Variants in TENM4 observed in about 807,000 individuals in gnomAD.
TENM4 encodes the protein teneurin-4.
Under a neutral mutation model 243.3 loss-of-function variants are expected in TENM4, and 82 were observed. The observed-to-expected ratio is 0.34, with a 90% confidence interval of 0.28 to 0.40. The LOEUF (loss-of-function observed/expected upper bound fraction) is 0.40, where lower values mean the gene tolerates loss of function less well. TENM4 is among the 10% of genes least tolerant of loss of function. The probability of loss-of-function intolerance (pLI) is 1.00; values close to 1 mark genes in which losing one functional copy is unlikely to be tolerated. For missense variants in TENM4, 3,138 were observed against 3,673.3 expected, an observed-to-expected ratio of 0.85 and a Z score of 3.77; for synonymous variants, 1,412 against 1,456.3, an observed-to-expected ratio of 0.97 and a Z score of 0.69.
intron 2 of TENM4, among the ~76,000 whole-genome samples, chr11:79,253,823 TA>T (rs1367032143): frequency 7.2e-5 from 11 of 152,100 alleles, no homozygotes; most frequent in African/African-American, 2.4e-4. Context: ...TTTGGTTTCA[TA>T]AAAGTACCAA....
At chr11:78,658,971 C>T (rs1394389311) in intron 33 of TENM4, among the ~76,000 whole-genome samples, 155 bp from the exon 34 acceptor site, 3 of 152,134 alleles carry the variant, frequency 2.0e-5, no homozygotes, top group Non-Finnish European at 2.9e-5. Context: ...TCCAGGTGGT[C>T]GCCAGAAGGT....
At chr11:79,189,720 C>T in intron 3 of TENM4, among the ~76,000 whole-genome samples, 1 of 152,190 alleles carries the variant, frequency 6.6e-6, no homozygotes, top group East Asian at 1.9e-4. Context: ...AGTGGATTTT[C>T]CTTTGATTTG....
chr11:79,163,789 A>ATG (rs1431237053), intron 3 of TENM4, among the ~76,000 whole-genome samples: 1 of 51,626 alleles, frequency 1.9e-5, no homozygotes, highest in Non-Finnish European at 3.9e-5. Context: ...ACATATATAT[A>ATG]TACACACACA....
In TENM4 at chr11:79,190,801, C is replaced by T. The variant is rs1863465322; in HGVS notation, c.-163+25007G>A. Among the ~76,000 whole-genome samples, 4 of 136,060 alleles carry T rather than the reference C, an allele frequency of 2.9e-5. No individual in the cohort carries two copies. The South Asian group carries it at 1.1e-3, about 36-fold the overall frequency. The allele number at this position is 136,060 out of a possible 152,430, so 89.3% of individuals were successfully genotyped here. A position where few individuals can be genotyped will look rare whatever the true frequency, so the allele number is the denominator to read the frequency against. Reference sequence around the variant, plus strand: ...CCCTCTCCCGTCTCCCTCTCCCTCTCCCTCTCCCGTCTCCCTCTCCCTCTC... The same window carrying T: ...CCCTCTCCCGTCTCCCTCTCCCTCTTCCTCTCCCGTCTCCCTCTCCCTCTC... On this transcript the variant is annotated intron_variant, in intron 3 of 33. Transcript: ENST00000278550.
chr11:79,182,548 T>A (rs1475331660), intron 3 of TENM4, among the ~76,000 whole-genome samples: 1 of 152,168 alleles, frequency 6.6e-6, no homozygotes, highest in Non-Finnish European at 1.5e-5. Flanking sequence ...AAAAGCACAA[T>A]TCTTGAAAGA....
chr11:79,165,266 A>G (rs926739449), intron 3 of TENM4, among the ~76,000 whole-genome samples: 1 of 152,130 alleles, frequency 6.6e-6, no homozygotes, highest in African/African-American at 2.4e-5. Flanking sequence ...CCAGCAGCAT[A>G]AAAGTGTTCC....
intron 1 of TENM4, among the ~76,000 whole-genome samples, chr11:79,323,603 G>A (rs1446756923): frequency 6.6e-6 from 1 of 152,194 alleles, no homozygotes; most frequent in Non-Finnish European, 1.5e-5. Context: ...TAGCCTAGAT[G>A]TTGCTGTGAA....
At chr11:78,732,636 G>A in intron 20 of TENM4, 59 bp from the exon 21 acceptor site, 2 of 1,501,056 alleles carry the variant, frequency 1.3e-6, no homozygotes, top group Non-Finnish European at 1.8e-6. Context: ...GAACCAGGAT[G>A]AGAAAGAGAG....
chr11:78,881,147 G>A (rs1164110578), intron 9 of TENM4, among the ~76,000 whole-genome samples: 1 of 152,236 alleles, frequency 6.6e-6, no homozygotes, highest in Non-Finnish European at 1.5e-5. Context: ...TCTGAGCAGT[G>A]GCTGGGGTTT....
chr11:78,920,968 TCTGTGTTACAGCA>T (rs1160714598), intron 6 of TENM4, among the ~76,000 whole-genome samples: 4 of 152,218 alleles, frequency 2.6e-5, no homozygotes, highest in African/African-American at 9.7e-5. Flanking sequence ...GGCTTTCTGA[TCTGTGTTACAGCA>T]CTGTGAAGTT....
intron 2 of TENM4, among the ~76,000 whole-genome samples, chr11:79,268,127 A>G (rs1018964237): frequency 1.3e-5 from 2 of 152,242 alleles, no homozygotes; most frequent in African/African-American, 4.8e-5. Flanking sequence ...TTGAGACAAG[A>G]GAGAACTTTC....
chr11:79,110,851 C>T (rs1861488011), intron 4 of TENM4, among the ~76,000 whole-genome samples: 1 of 152,194 alleles, frequency 6.6e-6, no homozygotes, highest in Admixed American at 6.5e-5. Flanking sequence ...AACTTGGACA[C>T]TTTCCTGGGC....
Position 78,670,563 on chromosome 11 carries a change from G to A in TENM4, c.5794-12C>T. 2 of 1,588,258 alleles carry A rather than the reference G, an allele frequency of 1.3e-6. No homozygotes were observed. Among genetic ancestry groups the A allele is most frequent in the Non-Finnish European group, 1.7e-6 (2 of 1,166,298 alleles). On this transcript the variant is annotated splice_polypyrimidine_tract_variant and intron_variant, in intron 31 of 33. Transcript: ENST00000278550. The stretch of plus-strand genomic sequence containing the variant: ...AGCAGCACCATGGACTGGAGGGAGA[G>A]GAAAACCAAGAGATGAGAGGAGGGT...
chr11:79,305,537 CTT>C (rs1856612421), intron 1 of TENM4, among the ~76,000 whole-genome samples: 1 of 152,130 alleles, frequency 6.6e-6, no homozygotes, highest in African/African-American at 2.4e-5. Context: ...TGAGCACAAT[CTT>C]TTCAAAACAA....
chr11:78,870,814 A>G (rs984728363), intron 9 of TENM4, among the ~76,000 whole-genome samples: 2 of 152,210 alleles, frequency 1.3e-5, no homozygotes, highest in Non-Finnish European at 2.9e-5. Flanking sequence ...CAGAGGAGGA[A>G]TGTCACCTTA....
intron 6 of TENM4, among the ~76,000 whole-genome samples, chr11:79,006,149 T>C (rs1232309103): frequency 6.6e-6 from 1 of 152,204 alleles, no homozygotes; most frequent in East Asian, 1.9e-4. Context: ...TACTTGCTTT[T>C]TGAGGCAGTC....
At chr11:78,775,757 C>A (rs1299390453) in intron 17 of TENM4, among the ~76,000 whole-genome samples, 1 of 152,324 alleles carries the variant, frequency 6.6e-6, no homozygotes. Flanking sequence ...GAAAGACTCA[C>A]ACCAGGCATT....
chr11:79,411,002 C>A (rs1007571340), intron 1 of TENM4, among the ~76,000 whole-genome samples: 1 of 152,142 alleles, frequency 6.6e-6, no homozygotes, highest in Non-Finnish European at 1.5e-5. Flanking sequence ...GATATGGTCA[C>A]TCATTACAGG....
chr11:79,182,816 A>G (rs1863308799), intron 3 of TENM4, among the ~76,000 whole-genome samples: 1 of 152,230 alleles, frequency 6.6e-6, no homozygotes, highest in African/African-American at 2.4e-5. Context: ...ATATAAAATG[A>G]TGTTCAGCAT....
Sources: gnomAD v4.1 joint callset for allele counts (sites outside exome capture counted in the v4.1 genomes callset) on GRCh38, gnomAD v4.1.1 for gene constraint, MANE v1.5 for transcripts, NCBI Gene and HGNC (gene_info 2026-07-23, HGNC 2026-07-21) for gene names.